The following LRRK1 variants were observed in gnomAD, a reference collection of about 807,000 sequenced individuals.
The protein encoded by LRRK1 is leucine rich repeat kinase 1, also known as leucine-rich repeat serine/threonine-protein kinase 1.
In LRRK1, 113 loss-of-function variants were observed where a neutral mutation model predicts 209.1. The ratio of observed to expected loss-of-function variants is 0.54; its 90% CI spans 0.46 to 0.63. The LOEUF is 0.63. Ranked by LOEUF, LRRK1 falls within the 30% of genes least tolerant of loss-of-function variation. The pLI, the probability that LRRK1 is intolerant of heterozygous loss-of-function variation, is 0.00. For synonymous variants in LRRK1, 1,144 were observed against 1,099.7 expected (o/e 1.04, Z -0.80); for missense variants, 2,284 against 2,632.2 (o/e 0.87, Z 2.89).
rs150990770 is a variant in LRRK1, at chr15:101,068,092, G to A, written c.5871-579G>A. Among the ~76,000 whole-genome samples, 7 of 152,290 alleles carry A rather than the reference G, an allele frequency of 4.6e-5. No individual in the cohort carries two copies. The East Asian group carries it at 1.4e-3, about 29-fold the overall frequency. On this transcript the variant is annotated intron_variant, in intron 33 of 33. Transcript: ENST00000388948. ...GTGCTTGGGGTGGGGCACCACCAGG[G>A]CAGGGAGGCCACACTGTGGCCCAAA...
rs1337131152 is a variant in LRRK1 at position 101,069,559 on chromosome 15, A to G, written c.*711A>G. Reference sequence around the variant, plus strand: ...TTAGCCTTTACATTCCTCTCCACCGACAAAAGGAAGGGGAAACTCAATCAG... The same window carrying G: ...TTAGCCTTTACATTCCTCTCCACCGGCAAAAGGAAGGGGAAACTCAATCAG... On this transcript the variant is annotated 3_prime_UTR_variant, in exon 34 of 34. Coordinates refer to ENST00000388948, the MANE Select transcript of LRRK1 (RefSeq NM_024652.6). The G allele has an allele frequency of 6.6e-6, 1 of 152,646 alleles. No homozygotes were observed. The highest frequency in any genetic ancestry group is 1.5e-5 in the Non-Finnish European group (1 of 68,060). 9.5% of individuals were successfully genotyped at this position (152,646 alleles called of 1,614,324 possible). A position where few individuals can be genotyped will look rare whatever the true frequency, so the allele number is the denominator to read the frequency against.
intron 2 of LRRK1, among the ~76,000 whole-genome samples, chr15:100,965,225 ATGAGTTATGGAAATGATGTTTAAAGAC>A (rs1477841558): frequency 6.6e-6 from 1 of 152,234 alleles, no homozygotes; most frequent in African/African-American, 2.4e-5. Flanking sequence ...TTTCTGAAAC[ATGAGTTATGGAAATGATGTTTAAAGAC>A]TGAGTTATTG....
intron 2 of LRRK1, among the ~76,000 whole-genome samples, chr15:100,925,005 T>A (rs2042085357): frequency 6.6e-6 from 1 of 152,186 alleles, no homozygotes; most frequent in South Asian, 2.1e-4. Context: ...TGTAGTTTTG[T>A]TTTTTCATTA....
Position 101,050,508 on chromosome 15 carries a change from C to G in LRRK1, c.3439+725C>G, listed in dbSNP as rs138253529. Among the ~76,000 whole-genome samples, 541 of 151,200 alleles carry G rather than the reference C, an allele frequency of 3.6e-3. 2 individuals are homozygous for G. Among genetic ancestry groups the G allele is most frequent in the African/African-American group, 0.012 (508 of 40,904 alleles). Reference sequence around the variant, plus strand: ...CGCTGGAGGCCAAGCAGCTGTGGGACAGGCTGCCCGAGAGCCTCAGCCCCT... The same window carrying G: ...CGCTGGAGGCCAAGCAGCTGTGGGAGAGGCTGCCCGAGAGCCTCAGCCCCT... On this transcript the variant is annotated intron_variant, in intron 23 of 33. Coordinates refer to ENST00000388948, the MANE Select transcript of LRRK1 (RefSeq NM_024652.6).
At chr15:100,933,623 A>G (rs1367323611) in intron 2 of LRRK1, among the ~76,000 whole-genome samples, 3 of 151,986 alleles carry the variant, frequency 2.0e-5, no homozygotes, top group East Asian at 3.9e-4. Context: ...GGAGTTCCAG[A>G]CCAGCCTGGC....
chr15:101,042,368 G>T (rs553334500), intron 20 of LRRK1, among the ~76,000 whole-genome samples: 1 of 152,038 alleles, frequency 6.6e-6, no homozygotes, highest in South Asian at 2.1e-4. Flanking sequence ...GCAGACAGGG[G>T]TCCTCCTCAG....
chr15:100,994,434 G>T (rs940296299), intron 6 of LRRK1, among the ~76,000 whole-genome samples: 1 of 152,178 alleles, frequency 6.6e-6, no homozygotes, highest in Non-Finnish European at 1.5e-5. Flanking sequence ...TGATTCCAAT[G>T]TGCACCCAAG....
In LRRK1 at chr15:100,919,604, G is replaced by A. The variant is rs1018037805; in HGVS notation, c.-123+153G>A. On this transcript the variant is annotated intron_variant, in intron 1 of 33. Transcript: ENST00000388948. The surrounding 1 kb of genome is among the most constrained non-coding windows in gnomAD (Gnocchi z 5.8). ...TCCGGGCGGCCGCGTGGTCGGGCAC[G>A]GGGGGCCGTTGCGCAGGGGCCGCGG... Among the ~76,000 whole-genome samples, 2 of 149,468 alleles carry A rather than the reference G, an allele frequency of 1.3e-5. No homozygotes were observed. The highest frequency in any genetic ancestry group is 2.4e-5 in the African/African-American group (1 of 41,104).
Position 101,024,112 on chromosome 15 carries a change from G to T in LRRK1, c.2068-691G>T, listed in dbSNP as rs970111368. Among the ~76,000 whole-genome samples the T allele has an allele frequency of 1.2e-4, 19 of 152,066 alleles. No homozygotes were observed. Among genetic ancestry groups the T allele is most frequent in the African/African-American group, 4.1e-4 (17 of 41,408 alleles). The stretch of plus-strand genomic sequence containing the variant: ...GGACAATCCTGTGAAGGCTGAGCCC[G>T]CCGCTCTCTCTGTGGCCGGCCTCAG... On this transcript the variant is annotated intron_variant, in intron 15 of 33. Transcript: ENST00000388948. The surrounding 1 kb of genome is among the most constrained non-coding windows in gnomAD (Gnocchi z 4.6).
At position 101,024,995 on chromosome 15, in the gene LRRK1, A is replaced by G. The variant is rs1567241691; in HGVS notation, c.2232+28A>G. ...GAGGACACCAGACGCCAGCCCTGCC[A>G]TTTCAGTGCCCAGAGCTTTGCAGGT... is the stretch of plus-strand genomic sequence containing the variant. On this transcript the variant is annotated intron_variant, in intron 16 of 33. Transcript: ENST00000388948. The surrounding 1 kb of genome is among the most constrained non-coding windows in gnomAD (Gnocchi z 4.6). 19 of 1,604,282 alleles carry G rather than the reference A, an allele frequency of 1.2e-5. No homozygotes were observed. The highest frequency in any genetic ancestry group is 1.3e-5 in the African/African-American group (1 of 74,902).
chr15:100,950,532 TAA>T (rs1407846115), intron 2 of LRRK1, among the ~76,000 whole-genome samples: 1 of 152,126 alleles, frequency 6.6e-6, no homozygotes, highest in Non-Finnish European at 1.5e-5. Flanking sequence ...GCTAAACCTA[TAA>T]AACTCTTAAA....
chr15:101,066,263 G>T (rs946297657), intron 32 of LRRK1, 58 bp downstream of exon 32: 1 of 1,540,182 alleles, frequency 6.5e-7, no homozygotes, highest in South Asian at 1.2e-5. Flanking sequence ...CTGCTCTGGG[G>T]ACAGAGCAAG....
Position 101,071,032 on chromosome 15 carries a change from A to T in LRRK1, c.*2184A>T, listed in dbSNP as rs531912640. The stretch of plus-strand genomic sequence containing the variant: ...ATGGGCAGCAATTGAATTACAAAGA[A>T]ACAGACAGACCCTTAAACATCAATG... On this transcript the variant is annotated 3_prime_UTR_variant, in exon 34 of 34. Coordinates refer to ENST00000388948, the MANE Select transcript of LRRK1 (RefSeq NM_024652.6). 2 of 152,376 alleles carry T rather than the reference A, an allele frequency of 1.3e-5. No homozygotes were observed. Among genetic ancestry groups the T allele is most frequent in the South Asian group, 4.1e-4 (2 of 4,834 alleles). The allele number at this position is 152,376 out of a possible 1,614,324, so 9.4% of individuals were successfully genotyped here.
At chr15:100,937,461 G>T (rs1028768454) in intron 2 of LRRK1, among the ~76,000 whole-genome samples, 1 of 151,728 alleles carries the variant, frequency 6.6e-6, no homozygotes, top group African/African-American at 2.4e-5. Context: ...CTTTAGCTAC[G>T]TGGAACTTTA....
chr15:101,063,395 C>T (rs1384616249), intron 31 of LRRK1, among the ~76,000 whole-genome samples: 1 of 152,220 alleles, frequency 6.6e-6, no homozygotes, highest in Non-Finnish European at 1.5e-5. Flanking sequence ...ACAGCCCCTC[C>T]ACGCACCTCT....
intron 6 of LRRK1, among the ~76,000 whole-genome samples, chr15:100,999,874 G>T (rs2032606707): frequency 6.6e-6 from 1 of 152,182 alleles, no homozygotes; most frequent in African/African-American, 2.4e-5. Context: ...AGTACAGATT[G>T]TTACATGTTG....
chr15:101,048,170 T>TTTTG (rs1296557411), intron 21 of LRRK1, among the ~76,000 whole-genome samples: 3 of 152,222 alleles, frequency 2.0e-5, no homozygotes, highest in African/African-American at 7.2e-5. Context: ...TAAATTGGTG[T>TTTTG]TTTGTTTTCC....
chr15:100,925,417 C>T (rs1003778492), intron 2 of LRRK1, among the ~76,000 whole-genome samples: 2 of 152,184 alleles, frequency 1.3e-5, no homozygotes, highest in African/African-American at 4.8e-5. Flanking sequence ...GTGCTATGTG[C>T]AGTTATTGAC....
At chr15:100,986,297 C>T (rs529105789) in intron 4 of LRRK1, among the ~76,000 whole-genome samples, 10 of 152,272 alleles carry the variant, frequency 6.6e-5, no homozygotes, top group Admixed American at 5.2e-4. Flanking sequence ...CTTTGAAGCA[C>T]GTTGTTATGT....
Sources: gnomAD v4.1 joint callset for allele counts (sites outside exome capture counted in the v4.1 genomes callset) on GRCh38, gnomAD v4.1.1 for gene constraint, Gnocchi (gnomAD v3.1) non-coding constraint, MANE v1.5 for transcripts, NCBI Gene and HGNC (gene_info 2026-07-23, HGNC 2026-07-21) for gene names.